The following DPP6 variants were observed in gnomAD, a reference collection of about 807,000 sequenced individuals.
DPP6 encodes A-type potassium channel modulatory protein DPP6.
Under a neutral mutation model 122.6 loss-of-function variants are expected in DPP6, and 69 were observed. The ratio of observed to expected loss-of-function variants is 0.56; its 90% CI spans 0.46 to 0.69. The LOEUF (loss-of-function observed/expected upper bound fraction) is 0.69. Ranked by LOEUF, DPP6 falls within the 30% of genes least tolerant of loss-of-function variation. The pLI, the probability that DPP6 is intolerant of heterozygous loss-of-function variation, is 0.00. For synonymous variants in DPP6, 418 were observed against 433.1 expected (o/e 0.97, Z 0.43); for missense variants, 928 against 1,116.9 (o/e 0.83, Z 2.41).
intron 1 of DPP6, among the ~76,000 whole-genome samples, chr7:154,060,301 CCCT>C: frequency 7.5e-6 from 1 of 133,436 alleles, no homozygotes; most frequent in African/African-American, 2.8e-5. Context: ...CCTCTTCCCC[CCCT>C]GGCTCTTAGG....
chr7:154,221,655 AC>A (rs1228878452), intron 1 of DPP6, among the ~76,000 whole-genome samples: 4 of 152,190 alleles, frequency 2.6e-5, no homozygotes, highest in Non-Finnish European at 4.4e-5. Context: ...AGGTGGCTTA[AC>A]TATTGAAAAT....
At chr7:154,196,776 A>T (rs1477356378) in intron 1 of DPP6, among the ~76,000 whole-genome samples, 1 of 152,136 alleles carries the variant, frequency 6.6e-6, no homozygotes, top group Non-Finnish European at 1.5e-5. Context: ...CCCTTTCAGG[A>T]CCGAGGCCAA....
intron 1 of DPP6, among the ~76,000 whole-genome samples, chr7:154,127,632 CAGACACACACACACACACAG>C (rs1344849839): frequency 1.9e-3 from 216 of 110,952 alleles, no homozygotes; most frequent in African/African-American, 7.5e-3. Flanking sequence ...CACACACACA[CAGACACACACACACACACAG>C]ACACACACAC....
At chr7:153,859,947 C>T in the DPP6 span, among the ~76,000 whole-genome samples, 11 of 152,182 alleles carry the variant, frequency 7.2e-5, no homozygotes, top group Non-Finnish European at 1.6e-4. Flanking sequence ...GCCCTTGACA[C>T]AGGGGGATAA....
At chr7:154,451,969 G>A (rs528980120) in intron 2 of DPP6, among the ~76,000 whole-genome samples, 14 of 152,342 alleles carry the variant, frequency 9.2e-5, no homozygotes, top group Non-Finnish European at 1.8e-4. Context: ...CTGCAATACA[G>A]CAATGGCTTG....
chr7:154,322,021 G>C (rs1808008908), intron 1 of DPP6, among the ~76,000 whole-genome samples: 1 of 151,880 alleles, frequency 6.6e-6, no homozygotes, highest in Non-Finnish European at 1.5e-5. Context: ...GCATCTCCCA[G>C]CACTTTCTAC....
chr7:153,856,166 C>G, the DPP6 span, among the ~76,000 whole-genome samples: 1 of 152,182 alleles, frequency 6.6e-6, no homozygotes, highest in African/African-American at 2.4e-5. Context: ...GTTCCTGCCA[C>G]TCCAGTGGCA....
At chr7:154,568,399 T>A (rs1235053606) in intron 5 of DPP6, among the ~76,000 whole-genome samples, 1 of 152,264 alleles carries the variant, frequency 6.6e-6, no homozygotes, top group Non-Finnish European at 1.5e-5. Flanking sequence ...AGAGAATCTT[T>A]AATCATCGGA....
chr7:154,527,413 G>T (rs1235843778), intron 3 of DPP6, among the ~76,000 whole-genome samples: 1 of 152,160 alleles, frequency 6.6e-6, no homozygotes, highest in Non-Finnish European at 1.5e-5. Context: ...CTGCAGTGTG[G>T]ATACTGGAGA....
intron 1 of DPP6, among the ~76,000 whole-genome samples, chr7:154,101,546 G>A (rs1463609818): frequency 6.6e-6 from 1 of 151,902 alleles, no homozygotes; most frequent in Non-Finnish European, 1.5e-5. Flanking sequence ...GGGGTGATCA[G>A]CAATGTTTAA....
chr7:153,905,350 G>A (rs997702971), intron 1 of DPP6, among the ~76,000 whole-genome samples: 2 of 152,154 alleles, frequency 1.3e-5, no homozygotes, highest in African/African-American at 4.8e-5. Context: ...GAGCAGGAGG[G>A]GGAGTGGGGA....
chr7:154,872,484 C>T, intron 18 of DPP6, 140 bp from the exon 19 acceptor site: 1 of 1,359,668 alleles, frequency 7.4e-7, no homozygotes, highest in Non-Finnish European at 9.8e-7. Context: ...AGGATGAAAA[C>T]CCTGGGCCAG....
At chr7:153,811,575 C>G in the DPP6 span, among the ~76,000 whole-genome samples, 1 of 152,156 alleles carries the variant, frequency 6.6e-6, no homozygotes, top group East Asian at 1.9e-4. Context: ...TCCACCCTCT[C>G]TGGAAGGCTG....
intron 5 of DPP6, among the ~76,000 whole-genome samples, chr7:154,603,231 TTTG>T (rs1833472198): frequency 8.3e-6 from 1 of 120,628 alleles, no homozygotes; most frequent in South Asian, 3.4e-4. Flanking sequence ...TTGTATGTAA[TTTG>T]TTTAGAGTTT....
Position 154,885,694 on chromosome 7 carries a change from C to T in DPP6, c.2195C>T (p.Thr732Ile), listed in dbSNP as rs1806090320. ...GCAAAGGGAGAAAATCAAGGCCAGA[C>T]ATTCACCTGCGGCTCTGCTCTCTCT... is the stretch of plus-strand genomic sequence containing the variant. Reference protein sequence around the residue: ...LPAKGENQGQTFTCGSALSPI... With the variant: ...LPAKGENQGQIFTCGSALSPI... The change falls in exon 22 of 26, where the codon ACA (threonine) becomes ATA (isoleucine). Residue 732 changes from threonine to isoleucine, a missense_variant. Transcript: ENST00000377770. The T allele has an allele frequency of 6.3e-7, 1 of 1,599,318 alleles. No individual in the cohort carries two copies. The highest frequency in any genetic ancestry group is 8.5e-7 in the Non-Finnish European group (1 of 1,173,058).
At position 154,224,132 on chromosome 7, in the gene DPP6, C is replaced by A. The variant is rs536308185; in HGVS notation, c.243+171069C>A. Among the ~76,000 whole-genome samples, 491 of 148,640 alleles carry A rather than the reference C, an allele frequency of 3.3e-3. 17 individuals carry two copies. The highest frequency in any genetic ancestry group is 6.8e-3 in the Middle Eastern group (2 of 294). ...CCCTGGGAGGACACTGTGGCCCAGG[C>A]AGAGACACAGGCAGCCTGAACCATG... On this transcript the variant is annotated intron_variant, in intron 1 of 25. Transcript: ENST00000377770.
intron 1 of DPP6, among the ~76,000 whole-genome samples, chr7:154,162,624 A>G (rs1224342720): frequency 6.6e-6 from 1 of 152,074 alleles, no homozygotes; most frequent in Non-Finnish European, 1.5e-5. Flanking sequence ...GTGGAACTCA[A>G]CACCTGGAAT....
At chr7:154,798,188 G>A (rs1447691168) in intron 12 of DPP6, among the ~76,000 whole-genome samples, 1 of 152,242 alleles carries the variant, frequency 6.6e-6, no homozygotes, top group African/African-American at 2.4e-5. Context: ...CTGCCCTCTG[G>A]ATGGACGGCA....
chr7:154,727,804 A>T lies in DPP6; in HGVS notation c.800A>T (p.His267Leu), dbSNP rs752465979. Residue 267 changes from histidine to leucine, a missense_variant, in exon 8 of 26, where the codon CAT becomes CTT. Transcript: ENST00000377770. ...GAAAACAATATCTACTACTGTGCAC[A>T]TGTCGGGAAACAGGCCATCCGTGTG... ...IFENNIYYCA[H>L]VGKQAIRVVS... 50 of 1,613,816 alleles carry T rather than the reference A, an allele frequency of 3.1e-5. No homozygotes were observed. The highest frequency in any genetic ancestry group is 3.3e-4 in the Middle Eastern group (2 of 6,084).
Sources: allele counts gnomAD v4.1 joint callset (sites outside exome capture counted in the v4.1 genomes callset), GRCh38; gene constraint gnomAD v4.1.1; transcripts MANE v1.5; gene names NCBI Gene and HGNC (gene_info 2026-07-23, HGNC 2026-07-21).